TBC1D2: variants seen among roughly 807,000 people sequenced by gnomAD.
The protein encoded by TBC1D2 is TBC1 domain family member 2.
A neutral mutation model predicts 91.1 loss-of-function variants in TBC1D2; 58 were observed. The ratio of observed to expected loss-of-function variants is 0.64; its 90% confidence interval spans 0.52 to 0.79. The LOEUF is 0.79. TBC1D2 is among the 30% of genes least tolerant of loss of function. TBC1D2 has a pLI of 0.00. For synonymous variants in TBC1D2, 482 were observed against 511.5 expected, an observed-to-expected ratio of 0.94 and a Z score of 0.78; for missense variants, 1,080 against 1,208.3, an observed-to-expected ratio of 0.89 and a Z score of 1.57.
chr9:98,227,531 C>G (rs1362731936), intron 5 of TBC1D2, among the ~76,000 whole-genome samples: 1 of 151,990 alleles, frequency 6.6e-6, no homozygotes, highest in Non-Finnish European at 1.5e-5. Context: ...CTGAGGTGGG[C>G]AGATCACTTG....
chr9:98,224,818 T>TG (rs1007291188), intron 5 of TBC1D2, among the ~76,000 whole-genome samples: 1 of 151,758 alleles, frequency 6.6e-6, no homozygotes, highest in Non-Finnish European at 1.5e-5. Context: ...TCTGGATCCG[T>TG]GGGGGGTGTA....
Position 98,209,061 on chromosome 9 carries a change from T to C in TBC1D2, c.1757A>G (p.Glu586Gly). ...GCCCAGCAGGTGGTGGGATCGTGACTCCAATGCCTGGATCTTGGCCAGCAG... is the reference window on the plus strand; with the variant it reads ...GCCCAGCAGGTGGTGGGATCGTGACCCCAATGCCTGGATCTTGGCCAGCAG... ...LKLLAKIQAL[E>G]SRSHHLLGLE... Residue 586 changes from glutamate (E) to glycine (G), a missense_variant, in exon 9 of 13, where the codon GAG becomes GGG. Glu to Gly is a moderately conservative substitution (Grantham distance 98). Coordinates refer to ENST00000465784, the MANE Select transcript of TBC1D2 (RefSeq NM_001267571.2). The C allele has an allele frequency of 6.2e-7, 1 of 1,614,078 alleles. No homozygotes were observed. The highest frequency in any genetic ancestry group is 1.1e-5 in the South Asian group (1 of 91,084).
At position 98,243,454 on chromosome 9, in the gene TBC1D2, G is replaced by A. The variant is rs149377312; in HGVS notation, c.647+540C>T. Among the ~76,000 whole-genome samples the A allele has an allele frequency of 1.4e-3, 210 of 151,608 alleles. 1 individual carries two copies. The highest frequency in any genetic ancestry group is 4.8e-3 in the African/African-American group (197 of 41,306). ...GGGACTACAGGCTGTGAGCCACCTCGTCCAGTGGGTAATTTTTTATACCCT... is the reference window on the plus strand; with the variant it reads ...GGGACTACAGGCTGTGAGCCACCTCATCCAGTGGGTAATTTTTTATACCCT... On this transcript the variant is annotated intron_variant, in intron 3 of 12. Transcript: ENST00000465784.
intron 3 of TBC1D2, among the ~76,000 whole-genome samples, chr9:98,237,205 C>G (rs755349805): frequency 6.6e-6 from 1 of 151,846 alleles, no homozygotes; most frequent in Non-Finnish European, 1.5e-5. Context: ...GGCGTAGTGG[C>G]TCATGCCTGT....
chr9:98,246,868 A>T (rs1348895844), intron 2 of TBC1D2, among the ~76,000 whole-genome samples: 1 of 152,030 alleles, frequency 6.6e-6, no homozygotes, highest in Non-Finnish European at 1.5e-5. Flanking sequence ...CCAAACAGAA[A>T]GGGGTGTGGG....
chr9:98,203,381 T>A lies in TBC1D2; in HGVS notation c.2178A>T (p.Leu726=). ...ACCAGAAGGCGCTCTCCTCCTCCTC[T>A]AGGACCAGCAGGGCAATGGCCGCCA... is the stretch of plus-strand genomic sequence containing the variant. ...NRLAAIALLV[L]EEEESAFWCL... is the part of the protein sequence containing the mutation. The change falls in exon 10 of 13, where the codon CTA becomes CTT. Residue 726 remains leucine, a synonymous_variant. Transcript: ENST00000465784. The A allele has an allele frequency of 4.3e-6, 7 of 1,614,142 alleles. No homozygotes were observed. Among genetic ancestry groups the A allele is most frequent in the Non-Finnish European group, 5.9e-6 (7 of 1,180,010 alleles).
At chr9:98,247,199 T>C (rs1339333516) in intron 2 of TBC1D2, among the ~76,000 whole-genome samples, 5 of 151,984 alleles carry the variant, frequency 3.3e-5, no homozygotes, top group Non-Finnish European at 5.9e-5. Context: ...TGGTGACGTG[T>C]GCCTGTAGTC....
At chr9:98,231,984 T>C (rs1217178907) in intron 4 of TBC1D2, among the ~76,000 whole-genome samples, 3 of 152,200 alleles carry the variant, frequency 2.0e-5, no homozygotes, top group Non-Finnish European at 4.4e-5. Flanking sequence ...CCTAGGGTTA[T>C]GGGGCAGTGG....
intron 6 of TBC1D2, among the ~76,000 whole-genome samples, chr9:98,218,357 G>A (rs1829018318): frequency 6.6e-6 from 1 of 151,936 alleles, no homozygotes; most frequent in Non-Finnish European, 1.5e-5. Context: ...ACGCGGTCAG[G>A]AGATCAAGAC....
At chr9:98,230,997 T>C (rs1218814401) in intron 4 of TBC1D2, among the ~76,000 whole-genome samples, 1 of 152,132 alleles carries the variant, frequency 6.6e-6, no homozygotes, top group Admixed American at 6.5e-5. Context: ...AGCTCAGAAA[T>C]ATGTACTACC....
chr9:98,255,050 C>T, intron 1 of TBC1D2, 123 bp downstream of exon 1: 1 of 1,465,508 alleles, frequency 6.8e-7, no homozygotes, highest in South Asian at 1.4e-5. Context: ...GCACAAAGTT[C>T]TTGGAACTGT....
In TBC1D2 at chr9:98,255,496, G is replaced by A. The variant is rs780875417; in HGVS notation, c.46C>T (p.Pro16Ser). 2 of 1,558,056 alleles carry A rather than the reference G, an allele frequency of 1.3e-6. No homozygotes were observed. Among genetic ancestry groups the A allele is most frequent in the South Asian group, 1.2e-5 (1 of 81,672 alleles). Residue 16 changes from proline (P) to serine (S), a missense_variant, in exon 1 of 13, where the codon CCT becomes TCT. Transcript: ENST00000465784. ...ENAPESSSSAPGSEESARDPQ... is the reference protein window; with the variant it reads ...ENAPESSSSASGSEESARDPQ... The stretch of plus-strand genomic sequence containing the variant: ...TCCCTGGCAGACTCTTCGGACCCAG[G>A]GGCAGAGGAGCTGGACTCCGGGGCG...
chr9:98,242,129 A>C (rs1829651028), intron 3 of TBC1D2, among the ~76,000 whole-genome samples: 1 of 152,176 alleles, frequency 6.6e-6, no homozygotes, highest in Admixed American at 6.6e-5. Context: ...CTCTAAGTTC[A>C]TCTGAAGTCC....
intron 6 of TBC1D2, among the ~76,000 whole-genome samples, chr9:98,216,350 C>T (rs1330042204): frequency 1.3e-5 from 2 of 152,128 alleles, no homozygotes; most frequent in East Asian, 3.9e-4. Flanking sequence ...GTTCGGAATC[C>T]AATGCCCGGG....
intron 1 of TBC1D2, 68 bp from the exon 2 acceptor site, chr9:98,251,994 G>A: frequency 2.0e-6 from 3 of 1,538,004 alleles, no homozygotes; most frequent in Admixed American, 2.3e-5. Context: ...CAGGAAGAGG[G>A]GAAGGTTGTG....
chr9:98,213,025 G>A, intron 7 of TBC1D2, 83 bp downstream of exon 7: 2 of 1,465,266 alleles, frequency 1.4e-6, no homozygotes, highest in Non-Finnish European at 1.9e-6. Context: ...CAGGAAATGA[G>A]GAGAGTGAGA....
intron 1 of TBC1D2, among the ~76,000 whole-genome samples, chr9:98,252,534 C>T (rs1050608858): frequency 6.6e-6 from 1 of 152,222 alleles, no homozygotes; most frequent in African/African-American, 2.4e-5. Context: ...TCTCCCAGCA[C>T]TGGCTGGCGG....
rs1021723993 is a variant in TBC1D2, at chr9:98,210,841, G to A, written c.1488C>T (p.Cys496=). ...AEKEKALLTK[C]AYLQARNCQV... ...GGCAGTTTCTGGCTTGGAGGTAGGC[G>A]CACTGCAAACAGGGAAAGGCTGGTC... Residue 496 remains cysteine (C), a splice_region_variant and synonymous_variant, in exon 8 of 13, where the codon TGC becomes TGT. Transcript: ENST00000465784. The A allele has an allele frequency of 3.0e-5, 47 of 1,550,886 alleles. No individual in the cohort carries two copies. The highest frequency in any genetic ancestry group is 2.4e-5 in the East Asian group (1 of 40,920).
In TBC1D2 at chr9:98,228,667, A is replaced by T. The variant is rs1361600697; in HGVS notation, c.978+285T>A. On this transcript the variant is annotated intron_variant, in intron 5 of 12. Transcript: ENST00000465784. This position sits in a 1 kb window ranked among gnomAD's most constrained non-coding sequence, Gnocchi z 4.0. ...CTCTAAATAATGTCATTTTCTGGGT[A>T]GGGGGTGAGACCATGCATGGCCCTC... Among the ~76,000 whole-genome samples, 1 of 152,156 alleles carries T rather than the reference A, an allele frequency of 6.6e-6. No homozygotes were observed. The highest frequency in any genetic ancestry group is 1.9e-4 in the East Asian group (1 of 5,202).
Sources: allele counts gnomAD v4.1 joint callset (sites outside exome capture counted in the v4.1 genomes callset), GRCh38; gene constraint gnomAD v4.1.1; non-coding constraint Gnocchi (gnomAD v3.1); transcripts MANE v1.5; gene names NCBI Gene and HGNC (gene_info 2026-07-23, HGNC 2026-07-21).